The following ESRRB variants were observed in gnomAD, a reference collection of about 807,000 sequenced individuals.
ESRRB encodes the protein steroid hormone receptor ERR2.
In ESRRB, 16 loss-of-function variants were observed where a neutral mutation model predicts 46.0. The ratio of observed to expected loss-of-function variants is 0.35; its 90% CI spans 0.24 to 0.53. The LOEUF is 0.53. Among genes scored for constraint, ESRRB ranks in the 20% least tolerant of loss-of-function variants. ESRRB has a pLI of 0.93. For synonymous variants in ESRRB, 246 were observed against 259.6 expected, an observed-to-expected ratio of 0.95 and a Z score of 0.50; for missense variants, 488 against 607.4, an observed-to-expected ratio of 0.80 and a Z score of 2.07.
chr14:76,462,494 G>A lies in ESRRB; in HGVS notation c.461-51G>A, dbSNP rs1365505401. The A allele has an allele frequency of 7.1e-6, 10 of 1,417,130 alleles. No homozygotes were observed. In the African/African-American group the frequency reaches 8.4e-5, roughly 12 times the overall value. The allele number at this position is 1,417,130 out of a possible 1,614,324, so 87.8% of individuals were successfully genotyped here. A position where few individuals can be genotyped will look rare whatever the true frequency, so the allele number is the denominator to read the frequency against. ...TCCAGCCAGCCCTGCGCTGGCAGGT[G>A]GGGGCCCTGGGCGGCCAGCACCCGG... On this transcript the variant is annotated intron_variant, in intron 2 of 6. Transcript: ENST00000644823.
exon 1 of ESRRB, chr14:76,310,828 A>AGCAACGAGTTATCAGCAACT: frequency 2.2e-6 from 1 of 454,256 alleles, no homozygotes; most frequent in South Asian, 1.6e-5. Context: ...GGAGGAGCGG[A>AGCAACGAGTTATCAGCAACT]GCAACGAGTT....
intron 5 of ESRRB, among the ~76,000 whole-genome samples, chr14:76,489,479 A>ACACACACACC (rs1414646049): frequency 9.3e-5 from 14 of 150,014 alleles, no homozygotes; most frequent in African/African-American, 3.2e-4. Flanking sequence ...ACACACACAC[A>ACACACACACC]CCCTGATCCC....
chr14:76,450,031 T>C (rs1888321477), intron 2 of ESRRB, among the ~76,000 whole-genome samples: 1 of 152,030 alleles, frequency 6.6e-6, no homozygotes, highest in Admixed American at 6.6e-5. Flanking sequence ...GGGCTTGCAT[T>C]GTAGGGGGAA....
At chr14:76,373,265 G>C (rs540198331), upstream of ESRRB, among the ~76,000 whole-genome samples, 1 of 152,116 alleles carries the variant, frequency 6.6e-6, no homozygotes, top group East Asian at 1.9e-4. Context: ...TCCTCTAGGT[G>C]AGCAGTAAAA....
chr14:76,474,392 C>T (rs7142427), intron 3 of ESRRB, among the ~76,000 whole-genome samples: 11,968 of 152,250 alleles, frequency 0.079, 506 homozygotes, highest in African/African-American at 0.11. Flanking sequence ...ATTTTAACAG[C>T]TTTATTGAAA....
intron 1 of ESRRB, among the ~76,000 whole-genome samples, chr14:76,328,049 C>G (rs995427998): frequency 6.6e-6 from 1 of 152,128 alleles, no homozygotes; most frequent in Admixed American, 6.5e-5. Flanking sequence ...GCACTTCAGC[C>G]CCATGCAATG....
At chr14:76,472,544 G>A (rs936631523) in intron 3 of ESRRB, among the ~76,000 whole-genome samples, 1 of 152,226 alleles carries the variant, frequency 6.6e-6, no homozygotes, top group Non-Finnish European at 1.5e-5. Flanking sequence ...GTGTCACTGG[G>A]GTAAGAGGCA....
At chr14:76,326,773 A>G (rs748476425) in intron 1 of ESRRB, among the ~76,000 whole-genome samples, 4 of 152,246 alleles carry the variant, frequency 2.6e-5, no homozygotes, top group Non-Finnish European at 4.4e-5. Flanking sequence ...GCACCTTTGA[A>G]GGCCACTTGG....
chr14:76,420,639 G>C (rs1332291055), intron 1 of ESRRB, among the ~76,000 whole-genome samples: 3 of 79,588 alleles, frequency 3.8e-5, no homozygotes, highest in African/African-American at 1.9e-4. Context: ...AACACATTTA[G>C]GTCAGTGCAC....
rs997565285 is a variant in ESRRB at position 76,466,070 on chromosome 14, G to A, written c.577+3409G>A. 8.5e-5 allele frequency among the ~76,000 whole-genome samples: 13 copies of A among 152,180 alleles called. No individual in the cohort carries two copies. The South Asian group carries it at 1.0e-3, about 12-fold the overall frequency. ...AAGGCCCAGGCCCCCCAAGACCAGC[G>A]TGGGCTCATCGCCCACCTCAGACTC... is the stretch of plus-strand genomic sequence containing the variant. On this transcript the variant is annotated intron_variant, in intron 3 of 6. Coordinates refer to ENST00000644823, the MANE Select transcript of ESRRB (RefSeq NM_001379180.1).
chr14:76,448,647 C>T (rs901301486), intron 2 of ESRRB, among the ~76,000 whole-genome samples: 3 of 151,870 alleles, frequency 2.0e-5, no homozygotes, highest in Non-Finnish European at 4.4e-5. Context: ...ACATTTACTT[C>T]GATTTTCACT....
chr14:76,314,560 A>G (rs1190817044), intron 1 of ESRRB, among the ~76,000 whole-genome samples: 2 of 152,092 alleles, frequency 1.3e-5, no homozygotes, highest in Non-Finnish European at 2.9e-5. Flanking sequence ...TTAGCACACC[A>G]ATTAACATCT....
intron 2 of ESRRB, among the ~76,000 whole-genome samples, chr14:76,450,847 G>A (rs1888355683): frequency 6.6e-6 from 1 of 152,156 alleles, no homozygotes; most frequent in Non-Finnish European, 1.5e-5. Context: ...CTGACCTTGG[G>A]CAAGCAAGGA....
chr14:76,422,025 G>A (rs1018476315), intron 1 of ESRRB, among the ~76,000 whole-genome samples: 4 of 152,060 alleles, frequency 2.6e-5, no homozygotes, highest in African/African-American at 9.7e-5. Flanking sequence ...TAGTCAAAAT[G>A]CCCCGTCTGG....
At chr14:76,413,852 C>T (rs1274628558) in intron 1 of ESRRB, among the ~76,000 whole-genome samples, 14 of 144,314 alleles carry the variant, frequency 9.7e-5, no homozygotes, top group Non-Finnish European at 2.0e-4. Context: ...CATCCTCACC[C>T]CTGCACCATC....
intron 1 of ESRRB, among the ~76,000 whole-genome samples, chr14:76,398,972 G>T (rs1041951890): frequency 6.6e-6 from 1 of 152,114 alleles, no homozygotes; most frequent in Non-Finnish European, 1.5e-5. Context: ...TTGCATAGGT[G>T]GGTTAGGGGT....
In ESRRB at chr14:76,498,465, C is replaced by A; in HGVS notation, c.*7C>A. The A allele has an allele frequency of 6.2e-7, 1 of 1,613,142 alleles. No individual in the cohort carries two copies. On this transcript the variant is annotated 3_prime_UTR_variant, in exon 7 of 7. Coordinates refer to ENST00000644823, the MANE Select transcript of ESRRB (RefSeq NM_001379180.1). ...GCTGGAGGCCAAGGTGTGATGGCCC[C>A]GCACACGGACCAATGCCCACCTACA...
Position 76,421,505 on chromosome 14 carries a change from A to G in ESRRB, c.51-17836A>G, listed in dbSNP as rs1435830927. 2.6e-5 allele frequency among the ~76,000 whole-genome samples: 4 copies of G among 152,256 alleles called. No homozygotes were observed. The East Asian group carries it at 7.7e-4, about 29-fold the overall frequency. On this transcript the variant is annotated intron_variant, in intron 1 of 6. Coordinates refer to ENST00000644823, the MANE Select transcript of ESRRB (RefSeq NM_001379180.1). ...TTATTCGGTTATATAATATAGCAGCATTTGTGTCTCTTTTTCTTCCAAAGA... is the reference window on the plus strand; with the variant it reads ...TTATTCGGTTATATAATATAGCAGCGTTTGTGTCTCTTTTTCTTCCAAAGA...
chr14:76,311,512 G>T (rs1883733742), intron 1 of ESRRB, among the ~76,000 whole-genome samples: 2 of 152,196 alleles, frequency 1.3e-5, no homozygotes, highest in South Asian at 2.1e-4. Flanking sequence ...CCCCTCCGCG[G>T]AGCAAGTTTG....
Sources: gnomAD v4.1 joint callset for allele counts (sites outside exome capture counted in the v4.1 genomes callset) on GRCh38, gnomAD v4.1.1 for gene constraint, MANE v1.5 for transcripts, NCBI Gene and HGNC (gene_info 2026-07-23, HGNC 2026-07-21) for gene names.